The following PAFAH1B1 variants were observed in gnomAD, a reference collection of about 807,000 sequenced individuals.
PAFAH1B1 encodes platelet-activating factor acetylhydrolase IB subunit beta.
PAFAH1B1 carries 2 observed loss-of-function variants against 57.5 expected under a neutral mutation model. That is an observed-to-expected ratio of 0.03 (90% CI 0.01 to 0.11). The LOEUF (loss-of-function observed/expected upper bound fraction) is 0.11. PAFAH1B1 is among the 10% of genes least tolerant of loss of function. The pLI is 1.00. For synonymous variants in PAFAH1B1, 152 were observed against 169.6 expected (o/e 0.90, Z 0.81); for missense variants, 257 against 512.0 (o/e 0.50, Z 4.81).
intron 1 of PAFAH1B1, among the ~76,000 whole-genome samples, chr17:2,602,474 CCAAT>C (rs2068155466): frequency 6.6e-6 from 1 of 152,156 alleles, no homozygotes. Context: ...TCCTCTATAT[CCAAT>C]CAATTACCTT....
At chr17:2,628,505 T>C (rs139277758) in intron 1 of PAFAH1B1, among the ~76,000 whole-genome samples, 336 of 152,260 alleles carry the variant, frequency 2.2e-3, no homozygotes, top group African/African-American at 7.8e-3. Context: ...TTTTAGCATC[T>C]ATGTTCATTA....
At position 2,594,304 on chromosome 17, in the gene PAFAH1B1, G is replaced by T. The variant is rs2068059116; in HGVS notation, c.-191+298G>T. Among the ~76,000 whole-genome samples the T allele has an allele frequency of 2.6e-5, 4 of 152,116 alleles. No homozygotes were observed. In the South Asian group the frequency reaches 8.3e-4, roughly 31 times the overall value. The stretch of plus-strand genomic sequence containing the variant: ...GGCTGCCGGCGCCTCTGCGACCCCC[G>T]CCCCGCGGCCCTCCCCAAGAAGGGA... On this transcript the variant is annotated intron_variant, in intron 1 of 10. Transcript: ENST00000397195.
At chr17:2,636,054 C>G (rs1424290749) in intron 1 of PAFAH1B1, among the ~76,000 whole-genome samples, 1 of 151,848 alleles carries the variant, frequency 6.6e-6, no homozygotes, top group African/African-American at 2.4e-5. Flanking sequence ...TGCAATGAAC[C>G]ATGATTATGC....
chr17:2,618,996 T>A (rs1231484855), intron 1 of PAFAH1B1, among the ~76,000 whole-genome samples: 1 of 148,460 alleles, frequency 6.7e-6, no homozygotes, highest in East Asian at 2.0e-4. Flanking sequence ...AACAGTCATA[T>A]AACACTCCCA....
At chr17:2,595,163 C>T (rs763697437) in intron 1 of PAFAH1B1, among the ~76,000 whole-genome samples, 1 of 145,714 alleles carries the variant, frequency 6.9e-6, no homozygotes, top group Non-Finnish European at 1.5e-5. Context: ...CCCCCTCCCT[C>T]TTTCCTTAAG....
chr17:2,662,152 T>A (rs1208306539), intron 2 of PAFAH1B1, among the ~76,000 whole-genome samples: 2 of 151,870 alleles, frequency 1.3e-5, no homozygotes, highest in African/African-American at 4.8e-5. Context: ...GAAAAGAATG[T>A]AGGAAGTCAG....
intron 1 of PAFAH1B1, among the ~76,000 whole-genome samples, chr17:2,636,611 C>A (rs1019312376): frequency 8.5e-5 from 13 of 152,138 alleles, no homozygotes; most frequent in African/African-American, 3.1e-4. Flanking sequence ...GTTGGCCAGG[C>A]TGGTCGCAAA....
At chr17:2,661,094 GT>G (rs567324729) in intron 2 of PAFAH1B1, among the ~76,000 whole-genome samples, 19 of 150,564 alleles carry the variant, frequency 1.3e-4, no homozygotes, top group African/African-American at 3.4e-4. Context: ...CTTTTTGATG[GT>G]TTTTTTTTCC....
At chr17:2,633,852 C>A (rs1370876429) in intron 1 of PAFAH1B1, among the ~76,000 whole-genome samples, 1 of 152,070 alleles carries the variant, frequency 6.6e-6, no homozygotes, top group East Asian at 1.9e-4. Context: ...TACTTTCAGC[C>A]TCAGTTGTAG....
intron 1 of PAFAH1B1, among the ~76,000 whole-genome samples, chr17:2,617,203 AG>A (rs2068355552): frequency 6.6e-6 from 1 of 152,232 alleles, no homozygotes; most frequent in Admixed American, 6.5e-5. Context: ...TCAGATTTAA[AG>A]CTGTGGACCA....
intron 1 of PAFAH1B1, among the ~76,000 whole-genome samples, chr17:2,605,616 C>G (rs779271929): frequency 6.6e-6 from 1 of 152,092 alleles, no homozygotes; most frequent in South Asian, 2.1e-4. Context: ...GACTCCCTGC[C>G]GCGCCCCCCT....
intron 1 of PAFAH1B1, among the ~76,000 whole-genome samples, chr17:2,604,362 T>C (rs1190907457): frequency 6.6e-6 from 1 of 152,132 alleles, no homozygotes; most frequent in African/African-American, 2.4e-5. Flanking sequence ...AATGATTAAA[T>C]GGATAGGAAA....
chr17:2,627,094 T>C (rs1330562589), intron 1 of PAFAH1B1, among the ~76,000 whole-genome samples: 4 of 152,240 alleles, frequency 2.6e-5, no homozygotes, highest in Non-Finnish European at 4.4e-5. Flanking sequence ...CTCTTCAGTT[T>C]AATTAGGTCC....
intron 1 of PAFAH1B1, among the ~76,000 whole-genome samples, chr17:2,621,506 G>A (rs2068420165): frequency 6.6e-6 from 1 of 150,804 alleles, no homozygotes; most frequent in Non-Finnish European, 1.5e-5. Flanking sequence ...GTTCTTGACT[G>A]AGAATAACTT....
chr17:2,623,806 T>C (rs901737460), intron 1 of PAFAH1B1, among the ~76,000 whole-genome samples: 1 of 151,904 alleles, frequency 6.6e-6, no homozygotes. Flanking sequence ...TCCTGGCTAA[T>C]TTTTGTGTTT....
chr17:2,652,398 G>C (rs1028320160), intron 2 of PAFAH1B1, among the ~76,000 whole-genome samples: 4 of 152,250 alleles, frequency 2.6e-5, no homozygotes, highest in African/African-American at 4.8e-5. Context: ...CTGGGCGGCA[G>C]AGCGAGACTC....
At chr17:2,666,417 G>A (rs1167313794) in intron 4 of PAFAH1B1, among the ~76,000 whole-genome samples, 2 of 152,124 alleles carry the variant, frequency 1.3e-5, no homozygotes, top group East Asian at 1.9e-4. Context: ...AAATGTGCTC[G>A]TAGACAAGTT....
At chr17:2,643,648 C>G (rs2068726344) in intron 2 of PAFAH1B1, among the ~76,000 whole-genome samples, 1 of 151,848 alleles carries the variant, frequency 6.6e-6, no homozygotes, top group Non-Finnish European at 1.5e-5. Flanking sequence ...CAACCTCTGC[C>G]TCCTGGGTTC....
chr17:2,599,706 G>A (rs2068118212), intron 1 of PAFAH1B1, among the ~76,000 whole-genome samples: 1 of 152,026 alleles, frequency 6.6e-6, no homozygotes, highest in Admixed American at 6.6e-5. Context: ...GAGGGAACAG[G>A]GTTACACTTT....
Sources: gnomAD v4.1 joint callset for allele counts (sites outside exome capture counted in the v4.1 genomes callset) on GRCh38, gnomAD v4.1.1 for gene constraint, MANE v1.5 for transcripts, NCBI Gene and HGNC (gene_info 2026-07-23, HGNC 2026-07-21) for gene names.